The following STEAP3 variants were observed in gnomAD, a reference collection of about 807,000 sequenced individuals.
STEAP3 encodes the protein STEAP3 metalloreductase.
A neutral mutation model predicts 34.9 loss-of-function variants in STEAP3; 35 were observed. The ratio of observed to expected loss-of-function variants is 1.00; its 90% confidence interval spans 0.76 to 1.33. STEAP3 has a LOEUF of 1.33. Ranked by LOEUF, STEAP3 falls within the 40% of genes most tolerant of loss-of-function variation. The pLI is 0.00. For missense variants in STEAP3, 652 were observed against 667.6 expected (o/e 0.98, Z 0.26); for synonymous variants, 281 against 301.6 (o/e 0.93, Z 0.71).
intron 2 of STEAP3, among the ~76,000 whole-genome samples, chr2:119,238,681 C>A (rs369510457): frequency 2.6e-5 from 4 of 152,144 alleles, no homozygotes; most frequent in African/African-American, 7.2e-5. Flanking sequence ...CAGACAGCGC[C>A]CACAAAGTCC....
intron 2 of STEAP3, 33 bp from the exon 3 acceptor site, chr2:119,245,456 C>A: frequency 1.3e-6 from 2 of 1,549,318 alleles, no homozygotes; most frequent in South Asian, 2.5e-5. Context: ...TCCAGGAGCC[C>A]TCCACTGACC....
chr2:119,238,537 C>T (rs1677153286), intron 2 of STEAP3, among the ~76,000 whole-genome samples: 1 of 152,190 alleles, frequency 6.6e-6, no homozygotes, highest in Non-Finnish European at 1.5e-5. Context: ...AACAGGTCCC[C>T]TTATCAGTTA....
Position 119,254,719 on chromosome 2 carries a change from G to A in STEAP3, c.1086G>A (p.Glu362=), listed in dbSNP as rs185861521. ...ACAAGAGCCACCTCTGGGTGGAGGA[G>A]GAGGTCTGGCGGATGGAGATCTACC... ...LANKSHLWVE[E]EVWRMEIYLS... The change falls in exon 5 of 6, where the codon GAG becomes GAA. Residue 362 remains glutamate (E), a synonymous_variant. Transcript: ENST00000393110. 1.9e-6 allele frequency: 3 copies of A among 1,614,158 alleles called. No homozygotes were observed. In the East Asian group the frequency reaches 6.7e-5, roughly 36 times the overall value.
intron 1 of STEAP3, among the ~76,000 whole-genome samples, chr2:119,225,806 C>A (rs1679021916): frequency 6.6e-6 from 1 of 152,226 alleles, no homozygotes; most frequent in African/African-American, 2.4e-5. Flanking sequence ...GCCCTCAGCT[C>A]TCTGAACCTC....
At chr2:119,243,050 G>T (rs142201212) in intron 2 of STEAP3, among the ~76,000 whole-genome samples, 10 of 152,306 alleles carry the variant, frequency 6.6e-5, no homozygotes, top group African/African-American at 2.4e-4. Flanking sequence ...GTGTCTTGGC[G>T]GGTGCCTGCA....
chr2:119,248,262 CCT>C (rs200190146), intron 4 of STEAP3, 56 bp downstream of exon 4: 32,170 of 1,360,740 alleles, frequency 0.024, 207 homozygotes, highest in South Asian at 0.081. Flanking sequence ...TTGTCCAGCA[CCT>C]CCCCCCCCCA....
In STEAP3 at chr2:119,247,679, G is replaced by A. The variant is rs200237471; in HGVS notation, c.523G>A (p.Val175Met). 69 of 1,519,216 alleles carry A rather than the reference G, an allele frequency of 4.5e-5. No homozygotes were observed. The Middle Eastern group carries it at 5.3e-4, about 12-fold the overall frequency. The allele number at this position is 1,519,216 out of a possible 1,614,324, so 94.1% of individuals were successfully genotyped here. A position where few individuals can be genotyped will look rare whatever the true frequency, so the allele number is the denominator to read the frequency against. The change falls in exon 4 of 6, where the codon GTG becomes ATG. Residue 175 changes from valine (V) to methionine (M), a missense_variant and splice_region_variant. Val to Met is a conservative substitution (Grantham distance 21, BLOSUM62 1). Coordinates refer to ENST00000393110, the MANE Select transcript of STEAP3 (RefSeq NM_182915.3). ...TGACTGCCCCACTTTTCTCCCGCAG[G>A]TGCCCATCTGCGGTGACCAGCCAGA... The part of the protein sequence containing the change: ...QAGPRDGNRQ[V>M]PICGDQPEAK...
rs187953302 is a variant in STEAP3 at position 119,257,363 on chromosome 2, C to T, written c.1215+2515C>T. 1.1e-4 allele frequency: 151 copies of T among 1,369,256 alleles called. No homozygotes were observed. The East Asian group carries it at 4.4e-3, about 40-fold the overall frequency. 84.8% of individuals were successfully genotyped at this position (1,369,256 alleles called of 1,614,324 possible). On this transcript the variant is annotated intron_variant, in intron 5 of 5. Transcript: ENST00000393110. ...CTTGGAGAAACAGAGATAACCCAGG[C>T]CTGCCTCCCATCCGTGGACTCAGAT...
rs1036161845 is a variant in STEAP3, at chr2:119,264,297, G to C, written c.*959G>C. On this transcript the variant is annotated 3_prime_UTR_variant, in exon 6 of 6. Transcript: ENST00000393110. Reference sequence around the variant, plus strand: ...AACACTCTAGGGAGTAAAGCTCCCCGGGCGTCAGAGTTGAGCCCTGCCTGG... The same window carrying C: ...AACACTCTAGGGAGTAAAGCTCCCCCGGCGTCAGAGTTGAGCCCTGCCTGG... 6.6e-6 allele frequency: 1 copy of C among 152,546 alleles called. No homozygotes were observed. The highest frequency in any genetic ancestry group is 1.5e-5 in the Non-Finnish European group (1 of 68,074). The allele number at this position is 152,546 out of a possible 1,614,324, so 9.4% of individuals were successfully genotyped here. A position where few individuals can be genotyped will look rare whatever the true frequency, so the allele number is the denominator to read the frequency against.
chr2:119,260,181 G>T (rs1677897123), intron 5 of STEAP3, among the ~76,000 whole-genome samples: 1 of 152,102 alleles, frequency 6.6e-6, no homozygotes, highest in Admixed American at 6.5e-5. Flanking sequence ...GGGATAAAGG[G>T]CATCACCCAG....
At chr2:119,242,996 G>A (rs967900753) in intron 2 of STEAP3, among the ~76,000 whole-genome samples, 4 of 152,188 alleles carry the variant, frequency 2.6e-5, no homozygotes, top group African/African-American at 9.6e-5. Flanking sequence ...GAACCAGGCA[G>A]AAAATACTGT....
chr2:119,227,010 CAACA>C (rs1378212689), intron 1 of STEAP3, among the ~76,000 whole-genome samples: 3 of 152,176 alleles, frequency 2.0e-5, no homozygotes, highest in Non-Finnish European at 2.9e-5. Context: ...GTTATTCATT[CAACA>C]AACACTTACC....
At chr2:119,247,128 A>T (rs1677452731) in intron 3 of STEAP3, among the ~76,000 whole-genome samples, 2 of 152,164 alleles carry the variant, frequency 1.3e-5, no homozygotes, top group South Asian at 4.1e-4. Context: ...CTCGTGGGTC[A>T]GAGCAGCGGG....
chr2:119,257,511 T>C (rs1677809635), intron 5 of STEAP3: 1 of 1,545,230 alleles, frequency 6.5e-7, no homozygotes, highest in Non-Finnish European at 8.7e-7. Flanking sequence ...AAGACCTGAA[T>C]CTCAGTCCCA....
In STEAP3 at chr2:119,230,976, G is replaced by A. The variant is rs536294053; in HGVS notation, c.-37G>A. 58 of 1,614,158 alleles carry A rather than the reference G, an allele frequency of 3.6e-5. No homozygotes were observed. In the South Asian group the frequency reaches 3.7e-4, roughly 10 times the overall value. On this transcript the variant is annotated 5_prime_UTR_variant, in exon 2 of 6. Coordinates refer to ENST00000393110, the MANE Select transcript of STEAP3 (RefSeq NM_182915.3). The stretch of plus-strand genomic sequence containing the variant: ...TGGCTCACCTCACGGTGAGGCTGTC[G>A]AGTGACCTGAGAGCCTCAGACCCTC...
Position 119,245,738 on chromosome 2 carries a change from T to C in STEAP3, c.272T>C (p.Val91Ala). 6.2e-7 allele frequency: 1 copy of C among 1,614,230 alleles called. No homozygotes were observed. Among genetic ancestry groups the C allele is most frequent in the Non-Finnish European group, 8.5e-7 (1 of 1,180,038 alleles). ...CAAGTGACTTTCCAAGAGGAGGCAG[T>C]GAGCTCCCCGGAGGTCATCTTTGTG... ...AAQVTFQEEA[V>A]SSPEVIFVAV... Residue 91 changes from valine (V) to alanine (A), a missense_variant, in exon 3 of 6, where the codon GTG becomes GCG. By Grantham distance (64) the Val-to-Ala change is moderately conservative (BLOSUM62 0). Coordinates refer to ENST00000393110, the MANE Select transcript of STEAP3 (RefSeq NM_182915.3).
At chr2:119,243,926 C>A (rs838086) in intron 2 of STEAP3, among the ~76,000 whole-genome samples, 93,550 of 152,050 alleles carry the variant, frequency 0.62, 32,658 homozygotes, top group East Asian at 0.98. Context: ...GAGGCAGACG[C>A]CCATGGAGGG....
At chr2:119,236,610 T>C (rs1677101402) in intron 2 of STEAP3, among the ~76,000 whole-genome samples, 1 of 152,174 alleles carries the variant, frequency 6.6e-6, no homozygotes, top group South Asian at 2.1e-4. Flanking sequence ...GGGGCTGAAA[T>C]GATCCTCTGC....
intron 1 of STEAP3, among the ~76,000 whole-genome samples, chr2:119,228,864 A>G (rs1032898258): frequency 1.3e-5 from 2 of 152,106 alleles, no homozygotes; most frequent in African/African-American, 2.4e-5. Context: ...TGAGAACCCC[A>G]GGGGGCAGCT....
Sources: gnomAD v4.1 joint callset for allele counts (sites outside exome capture counted in the v4.1 genomes callset) on GRCh38, gnomAD v4.1.1 for gene constraint, MANE v1.5 for transcripts, NCBI Gene and HGNC (gene_info 2026-07-23, HGNC 2026-07-21) for gene names.